The following KLKB1 variants were observed in gnomAD, a reference collection of about 807,000 sequenced individuals.
The protein encoded by KLKB1 is plasma kallikrein.
A neutral mutation model predicts 73.6 loss-of-function variants in KLKB1; 58 were observed. That is an observed-to-expected ratio of 0.79 (90% confidence interval 0.64 to 0.98). The LOEUF is 0.98. Ranked by LOEUF, KLKB1 falls within the 50% of genes least tolerant of loss-of-function variation. The pLI is 0.00. For synonymous variants in KLKB1, 280 were observed against 258.1 expected (o/e 1.08, Z -0.81); for missense variants, 737 against 763.8 (o/e 0.96, Z 0.41).
intron 4 of KLKB1, among the ~76,000 whole-genome samples, chr4:186,234,738 T>A (rs1173651302): frequency 1.3e-5 from 2 of 152,210 alleles, no homozygotes; most frequent in Non-Finnish European, 2.9e-5. Context: ...AGAACTTTGA[T>A]TCTGACATCT....
At chr4:186,246,921 A>G (rs922078744) in intron 6 of KLKB1, among the ~76,000 whole-genome samples, 6 of 152,216 alleles carry the variant, frequency 3.9e-5, no homozygotes, top group African/African-American at 1.4e-4. Context: ...GTTCATGGAT[A>G]AAACGCGTCT....
intron 6 of KLKB1, 148 bp from the exon 7 acceptor site, chr4:186,250,095 A>G (rs988488229): frequency 3.0e-5 from 26 of 865,290 alleles, no homozygotes; most frequent in Non-Finnish European, 4.6e-5. Flanking sequence ...AACAGTTTGG[A>G]GATACTTTAA....
chr4:186,256,469 T>C (rs1019771987), intron 13 of KLKB1, among the ~76,000 whole-genome samples: 8 of 152,186 alleles, frequency 5.3e-5, no homozygotes, highest in Non-Finnish European at 7.3e-5. Flanking sequence ...AGGTGTGTCG[T>C]CTCACTATGG....
intron 2 of KLKB1, among the ~76,000 whole-genome samples, chr4:186,219,213 C>T (rs1337366950): frequency 1.3e-5 from 2 of 152,260 alleles, no homozygotes; most frequent in African/African-American, 4.8e-5. Flanking sequence ...TTTGGCAACA[C>T]CCTCACAGAC....
chr4:186,252,231 A>C, intron 11 of KLKB1, 46 bp downstream of exon 11: 1 of 1,581,970 alleles, frequency 6.3e-7, no homozygotes, highest in Non-Finnish European at 8.7e-7. Flanking sequence ...TTGGCTTTTC[A>C]TTTTGAAGGA....
rs369481447 is a variant in KLKB1 at position 186,252,041 on chromosome 4, G to A, written c.1169G>A (p.Arg390His). Residue 390 changes from arginine (R) to histidine (H), a missense_variant, in exon 11 of 15, where the codon CGC becomes CAC. Coordinates refer to ENST00000264690, the MANE Select transcript of KLKB1 (RefSeq NM_000892.5). Reference protein sequence around the residue: ...NSVCTTKTSTRIVGGTNSSWG... With the variant: ...NSVCTTKTSTHIVGGTNSSWG... ...GTCTGCACAACAAAAACAAGCACAC[G>A]CATTGTTGGAGGAACAAACTCTTCT... The A allele has an allele frequency of 2.0e-5, 33 of 1,614,160 alleles. No individual in the cohort carries two copies. Among genetic ancestry groups the A allele is most frequent in the South Asian group, 1.9e-4 (17 of 91,088 alleles).
intron 6 of KLKB1, among the ~76,000 whole-genome samples, chr4:186,240,317 T>C (rs1737959543): frequency 6.6e-6 from 1 of 152,004 alleles, no homozygotes; most frequent in Non-Finnish European, 1.5e-5. Flanking sequence ...TATAGGACAG[T>C]GATATTGTTA....
chr4:186,248,195 C>G (rs568212400), intron 6 of KLKB1, among the ~76,000 whole-genome samples: 2 of 152,024 alleles, frequency 1.3e-5, no homozygotes, highest in South Asian at 4.2e-4. Context: ...TTGCAGTGAG[C>G]CAAGATTGCG....
At chr4:186,212,357 G>A (rs1736750387) in intron 2 of KLKB1, 1 of 152,092 alleles carries the variant, frequency 6.6e-6, no homozygotes, top group Admixed American at 6.6e-5. Flanking sequence ...TTAGTTTAGG[G>A]TTAGATCTTT....
rs113581762 is a variant in KLKB1, at chr4:186,238,511, C to T, written c.598+146C>T. On this transcript the variant is annotated intron_variant, in intron 6 of 14. Coordinates refer to ENST00000264690, the MANE Select transcript of KLKB1 (RefSeq NM_000892.5). ...GTCAATGGCATGCAGTTACGGGCTT[C>T]GAGATGGGGAGTTTACTCTGGATTT... 2.9e-4 allele frequency: 198 copies of T among 691,944 alleles called. 1 individual carries two copies. Among genetic ancestry groups the T allele is most frequent in the African/African-American group, 2.8e-3 (159 of 56,668 alleles). The allele number at this position is 691,944 out of a possible 1,614,324, so 42.9% of individuals were successfully genotyped here. A position where few individuals can be genotyped will look rare whatever the true frequency, so the allele number is the denominator to read the frequency against.
At chr4:186,228,785 C>A (rs1404935651) in intron 2 of KLKB1, 2 of 152,436 alleles carry the variant, frequency 1.3e-5, no homozygotes, top group African/African-American at 4.8e-5. Flanking sequence ...TAGCTTTCAA[C>A]ACCAGATTTA....
In KLKB1 at chr4:186,215,580, T is replaced by TC. The variant is rs1203578155; in HGVS notation, c.201+6308_201+6309insC. On this transcript the variant is annotated intron_variant, in intron 2 of 14. Coordinates refer to the KLKB1 transcript ENST00000511608. ...AGACATTTATTTATTTATTTATTTA[T>TC]TTATCTATCTATCTATTTTTTGAGA... is the stretch of plus-strand genomic sequence containing the variant. Among the ~76,000 whole-genome samples, 406 of 152,164 alleles carry TC rather than the reference T, an allele frequency of 2.7e-3. 2 individuals are homozygous for TC. Among genetic ancestry groups the TC allele is most frequent in the East Asian group, 0.012 (61 of 5,180 alleles).
intron 3 of KLKB1, among the ~76,000 whole-genome samples, chr4:186,232,940 A>T (rs763100432): frequency 6.6e-6 from 1 of 152,132 alleles, no homozygotes; most frequent in Non-Finnish European, 1.5e-5. Context: ...TGTGTGATGG[A>T]GTCTCGCTTT....
At chr4:186,238,130 C>A in intron 5 of KLKB1, 126 bp from the exon 6 acceptor site, 2 of 725,392 alleles carry the variant, frequency 2.8e-6, no homozygotes, top group Non-Finnish European at 5.1e-6. Flanking sequence ...ATAATGCAGA[C>A]CCCTAACCCA....
chr4:186,243,125 C>CG (rs1738140854), intron 6 of KLKB1, among the ~76,000 whole-genome samples: 1 of 152,006 alleles, frequency 6.6e-6, no homozygotes, highest in Non-Finnish European at 1.5e-5. Flanking sequence ...CAGTCCTGGG[C>CG]GGGGGCAAAT....
chr4:186,236,185 A>G (rs1033106702), intron 4 of KLKB1, among the ~76,000 whole-genome samples: 11 of 152,130 alleles, frequency 7.2e-5, no homozygotes, highest in Admixed American at 7.2e-4. Flanking sequence ...TATCTTTTGC[A>G]TGTAAGACAA....
intron 2 of KLKB1, among the ~76,000 whole-genome samples, chr4:186,219,058 T>G (rs1202208273): frequency 6.6e-6 from 1 of 152,118 alleles, no homozygotes; most frequent in Non-Finnish European, 1.5e-5. Flanking sequence ...AGGAGAAAGA[T>G]GAGGGCCAGA....
chr4:186,242,142 G>A lies in KLKB1; in HGVS notation c.598+3777G>A, dbSNP rs4253358. 8.3e-3 allele frequency among the ~76,000 whole-genome samples: 1,151 copies of A among 138,682 alleles called. 15 individuals carry two copies. The highest frequency in any genetic ancestry group is 0.028 in the African/African-American group (1,062 of 38,396). The allele number at this position is 138,682 out of a possible 152,430, so 91.0% of individuals were successfully genotyped here. On this transcript the variant is annotated intron_variant, in intron 6 of 14. Coordinates refer to ENST00000264690, the MANE Select transcript of KLKB1 (RefSeq NM_000892.5). ...CAGTCAAAGGGGGTTGTTCTCTGGC[G>A]GGCAGCGGTGGGGGGTCACAAGGTG...
At chr4:186,226,650 T>C (rs1207388549), upstream of KLKB1, among the ~76,000 whole-genome samples, 1 of 152,190 alleles carries the variant, frequency 6.6e-6, no homozygotes, top group Non-Finnish European at 1.5e-5. Flanking sequence ...ACCTGGCACC[T>C]GAGTTCATGG....
Sources: allele counts gnomAD v4.1 joint callset (sites outside exome capture counted in the v4.1 genomes callset), GRCh38; gene constraint gnomAD v4.1.1; transcripts MANE v1.5; gene names NCBI Gene and HGNC (gene_info 2026-07-23, HGNC 2026-07-21).